Variants in GRID2 observed in about 807,000 individuals in gnomAD.
GRID2 encodes the protein glutamate ionotropic receptor delta type subunit 2.
Under a neutral mutation model 114.8 loss-of-function variants are expected in GRID2, and 33 were observed. That is an observed-to-expected ratio of 0.29 (90% confidence interval 0.22 to 0.38). The LOEUF (loss-of-function observed/expected upper bound fraction) is 0.38. GRID2 is among the 10% of genes least tolerant of loss of function. The pLI is 1.00. For synonymous variants in GRID2, 505 were observed against 449.9 expected, an observed-to-expected ratio of 1.12 and a Z score of -1.55; for missense variants, 1,184 against 1,257.7, an observed-to-expected ratio of 0.94 and a Z score of 0.89.
chr4:93,547,591 C>T (rs1038461567), intron 13 of GRID2, among the ~76,000 whole-genome samples: 1 of 152,144 alleles, frequency 6.6e-6, no homozygotes, highest in African/African-American at 2.4e-5. Flanking sequence ...TAATTATTAT[C>T]TCTAAGTTAC....
At chr4:93,669,716 G>A (rs1158127990) in intron 14 of GRID2, among the ~76,000 whole-genome samples, 1 of 151,950 alleles carries the variant, frequency 6.6e-6, no homozygotes, top group Non-Finnish European at 1.5e-5. Flanking sequence ...GATGGATGGG[G>A]GAACTGCACA....
Position 93,432,328 on chromosome 4 carries a change from G to T in GRID2, c.1545+9360G>T, listed in dbSNP as rs143685535. Among the ~76,000 whole-genome samples, 1,370 of 152,226 alleles carry T rather than the reference G, an allele frequency of 9.0e-3. 12 individuals carry two copies. Among genetic ancestry groups the T allele is most frequent in the Non-Finnish European group, 0.016 (1,076 of 68,014 alleles). ...GACATGGTGGATAAACTTGGTAAGG[G>T]AATTAAATGAGATGAAAGAAGAGCT... On this transcript the variant is annotated intron_variant, in intron 10 of 15. Transcript: ENST00000282020.
intron 13 of GRID2, among the ~76,000 whole-genome samples, chr4:93,607,181 G>T (rs1222457090): frequency 1.3e-5 from 2 of 151,850 alleles, no homozygotes; most frequent in Admixed American, 1.3e-4. Context: ...ATAACAAATG[G>T]AATACATAGT....
chr4:93,797,679 C>T (rs144378211), intron 1 of GRID2, among the ~76,000 whole-genome samples: 13 of 152,146 alleles, frequency 8.5e-5, no homozygotes, highest in African/African-American at 2.9e-4. Context: ...TGTCTCTTTG[C>T]CTGGGAGACT....
chr4:92,800,512 T>C (rs1323966453), intron 2 of GRID2, among the ~76,000 whole-genome samples: 1 of 151,918 alleles, frequency 6.6e-6, no homozygotes, highest in East Asian at 1.9e-4. Context: ...GGAAGGCATA[T>C]CAATTGAAGG....
At chr4:92,412,075 A>G (rs1249841962) in intron 1 of GRID2, among the ~76,000 whole-genome samples, 2 of 150,158 alleles carry the variant, frequency 1.3e-5, no homozygotes, top group Non-Finnish European at 3.0e-5. Context: ...ATACATTTTT[A>G]TTTTCAATTT....
intron 14 of GRID2, among the ~76,000 whole-genome samples, chr4:93,750,770 G>T (rs139762735): frequency 3.3e-5 from 5 of 151,964 alleles, no homozygotes; most frequent in African/African-American, 4.8e-5. Context: ...AAAACAAAAA[G>T]GTGGTCTTGA....
intron 1 of GRID2, among the ~76,000 whole-genome samples, chr4:92,372,799 T>C (rs547350150): frequency 6.6e-6 from 1 of 152,248 alleles, no homozygotes; most frequent in Admixed American, 6.5e-5. Context: ...ACAAGAGAAA[T>C]TCAGAGGAAT....
intron 13 of GRID2, among the ~76,000 whole-genome samples, chr4:93,554,048 C>T (rs997127302): frequency 4.6e-5 from 7 of 152,078 alleles, no homozygotes; most frequent in Non-Finnish European, 1.0e-4. Flanking sequence ...GTGTTTGGAC[C>T]TAAGATATCA....
At chr4:93,538,326 A>T (rs996575050) in intron 13 of GRID2, among the ~76,000 whole-genome samples, 4 of 151,914 alleles carry the variant, frequency 2.6e-5, no homozygotes, top group African/African-American at 9.6e-5. Flanking sequence ...AACACAAGAA[A>T]GATGAAGAAT....
intron 8 of GRID2, among the ~76,000 whole-genome samples, chr4:93,277,206 T>G (rs1752148908): frequency 6.6e-6 from 1 of 151,932 alleles, no homozygotes; most frequent in African/African-American, 2.4e-5. Flanking sequence ...ACTCAGAATT[T>G]TAATTAAGTA....
chr4:93,441,814 T>C (rs1261658039), intron 10 of GRID2, among the ~76,000 whole-genome samples: 1 of 151,858 alleles, frequency 6.6e-6, no homozygotes, highest in Non-Finnish European at 1.5e-5. Context: ...AATTTGGTAA[T>C]TTTGTAATGG....
chr4:93,448,929 C>G (rs1397005952), intron 10 of GRID2, among the ~76,000 whole-genome samples: 1 of 99,824 alleles, frequency 1.0e-5, no homozygotes, highest in Admixed American at 1.1e-4. Flanking sequence ...CCCTTCCCTT[C>G]CCCTTCCCCT....
At chr4:92,703,954 A>G (rs1417509793) in intron 2 of GRID2, among the ~76,000 whole-genome samples, 1 of 152,124 alleles carries the variant, frequency 6.6e-6, no homozygotes, top group Non-Finnish European at 1.5e-5. Flanking sequence ...CTCTCATTAA[A>G]TACTTCGTAG....
chr4:93,125,164 G>T (rs1015238295), intron 4 of GRID2, among the ~76,000 whole-genome samples: 5 of 151,834 alleles, frequency 3.3e-5, no homozygotes, highest in Non-Finnish European at 7.4e-5. Flanking sequence ...TAAAATTCAC[G>T]TTAGACCTGG....
chr4:93,614,621 G>A (rs1266931994), intron 13 of GRID2, among the ~76,000 whole-genome samples: 1 of 151,738 alleles, frequency 6.6e-6, no homozygotes, highest in Admixed American at 6.6e-5. Context: ...GAGTTAACAG[G>A]GTCAATAAGT....
At chr4:92,845,360 A>G (rs1048344670) in intron 2 of GRID2, among the ~76,000 whole-genome samples, 2 of 152,064 alleles carry the variant, frequency 1.3e-5, no homozygotes, top group African/African-American at 4.8e-5. Flanking sequence ...CATTAAATTG[A>G]GTTTTAAGTT....
chr4:93,322,818 G>A (rs1363740275), intron 8 of GRID2, among the ~76,000 whole-genome samples: 2 of 152,054 alleles, frequency 1.3e-5, no homozygotes, highest in Admixed American at 6.5e-5. Context: ...ATTTTTTCAT[G>A]TGTTTTTTGG....
At chr4:92,640,641 A>G (rs923950520) in intron 2 of GRID2, among the ~76,000 whole-genome samples, 4 of 151,832 alleles carry the variant, frequency 2.6e-5, no homozygotes, top group African/African-American at 7.2e-5. Flanking sequence ...AACTGAAAAT[A>G]AAATATGGAA....
Sources: gnomAD v4.1 joint callset for allele counts (sites outside exome capture counted in the v4.1 genomes callset) on GRCh38, gnomAD v4.1.1 for gene constraint, MANE v1.5 for transcripts, NCBI Gene and HGNC (gene_info 2026-07-23, HGNC 2026-07-21) for gene names.